The following GDPD4 variants were observed in gnomAD, a reference collection of about 807,000 sequenced individuals.
GDPD4 encodes the protein glycerophosphodiester phosphodiesterase 6.
GDPD4 carries 60 observed loss-of-function variants against 67.8 expected under a neutral mutation model. That is an observed-to-expected ratio of 0.88 (90% CI 0.72 to 1.10). GDPD4 has a LOEUF of 1.10. Ranked by LOEUF, GDPD4 falls within the 50% of genes least tolerant of loss-of-function variation. The probability of loss-of-function intolerance (pLI) is 0.00; values close to 1 mark genes in which losing one functional copy is unlikely to be tolerated. For missense variants in GDPD4, 623 were observed against 613.9 expected, an observed-to-expected ratio of 1.01 and a Z score of -0.16; for synonymous variants, 212 against 210.9, an observed-to-expected ratio of 1.00 and a Z score of -0.04.
rs145373581 is a variant in GDPD4, at chr11:77,256,487, T to A, written c.864+1899A>T. On this transcript the variant is annotated intron_variant, in intron 11 of 16. Transcript: ENST00000315938. Reference sequence around the variant, plus strand: ...CAGTAATAACAAATCCACTTTCAGCTATTTCTTATATCAATACTAATTAAT... The same window carrying A: ...CAGTAATAACAAATCCACTTTCAGCAATTTCTTATATCAATACTAATTAAT... Among the ~76,000 whole-genome samples, 689 of 152,340 alleles carry A rather than the reference T, an allele frequency of 4.5e-3. 8 individuals are homozygous for A. Among genetic ancestry groups the A allele is most frequent in the African/African-American group, 0.015 (644 of 41,574 alleles).
rs114056612 is a variant in GDPD4 at position 77,265,456 on chromosome 11, C to T, written c.707+3001G>A. On this transcript the variant is annotated intron_variant, in intron 10 of 16. Coordinates refer to ENST00000315938, the MANE Select transcript of GDPD4 (RefSeq NM_182833.3). ...CTATATCTTTTCTTAAGAAAGCTAA[C>T]GCAATTCTTTTCTTTAAATTCTATT... Among the ~76,000 whole-genome samples the T allele has an allele frequency of 5.8e-3, 886 of 152,210 alleles. 6 individuals are homozygous for T. The highest frequency in any genetic ancestry group is 0.021 in the South Asian group (99 of 4,820).
chr11:77,292,233 A>T lies in GDPD4; in HGVS notation c.-253-4813T>A, dbSNP rs1937803125. Among the ~76,000 whole-genome samples, 5 of 152,162 alleles carry T rather than the reference A, an allele frequency of 3.3e-5. No individual in the cohort carries two copies. In the South Asian group the frequency reaches 1.0e-3, roughly 31 times the overall value. On this transcript the variant is annotated intron_variant, in intron 1 of 16. Transcript: ENST00000315938. ...CAATACCCCTTTCTCAATAACAGTAAGCAGGATAGAGTAGACTTAAAAAAC... is the reference window on the plus strand; with the variant it reads ...CAATACCCCTTTCTCAATAACAGTATGCAGGATAGAGTAGACTTAAAAAAC...
intron 4 of GDPD4, among the ~76,000 whole-genome samples, chr11:77,277,447 C>T (rs1959531778): frequency 8.4e-6 from 1 of 118,904 alleles, no homozygotes; most frequent in African/African-American, 3.2e-5. Flanking sequence ...GTCGTCCAGG[C>T]TGGAGTGCAG....
intron 10 of GDPD4, among the ~76,000 whole-genome samples, chr11:77,261,565 A>ACTGC (rs1329283840): frequency 6.6e-6 from 1 of 152,154 alleles, no homozygotes; most frequent in Non-Finnish European, 1.5e-5. Flanking sequence ...ACCTCAACTG[A>ACTGC]CTGCCCTCCA....
intron 2 of GDPD4, among the ~76,000 whole-genome samples, chr11:77,286,291 G>A (rs953054912): frequency 2.0e-5 from 3 of 152,094 alleles, no homozygotes; most frequent in Non-Finnish European, 4.4e-5. Flanking sequence ...GTGTACATGC[G>A]CATACAGTTA....
At chr11:77,297,247 T>G (rs1938003424) in intron 1 of GDPD4, among the ~76,000 whole-genome samples, 1 of 150,966 alleles carries the variant, frequency 6.6e-6, no homozygotes, top group Admixed American at 6.6e-5. Flanking sequence ...GTTCATAATT[T>G]AAAAAGTAGA....
chr11:77,261,363 G>A (rs1165129341), intron 10 of GDPD4, among the ~76,000 whole-genome samples: 6 of 151,802 alleles, frequency 4.0e-5, no homozygotes, highest in East Asian at 1.9e-4. Flanking sequence ...TCAGCCTCCC[G>A]AGTAGCTGGG....
chr11:77,291,731 T>C (rs952427660), intron 1 of GDPD4, among the ~76,000 whole-genome samples: 1 of 152,180 alleles, frequency 6.6e-6, no homozygotes, highest in African/African-American at 2.4e-5. Flanking sequence ...TGAGAGTTAA[T>C]ATATAATTAT....
At chr11:77,264,758 T>G (rs1959170665) in intron 10 of GDPD4, among the ~76,000 whole-genome samples, 2 of 152,046 alleles carry the variant, frequency 1.3e-5, no homozygotes, top group Non-Finnish European at 2.9e-5. Context: ...AAAGGCAATG[T>G]TGGAGTTCAA....
intron 13 of GDPD4, among the ~76,000 whole-genome samples, chr11:77,243,424 A>T (rs17135428): frequency 6.6e-6 from 1 of 150,656 alleles, no homozygotes; most frequent in Non-Finnish European, 1.5e-5. Context: ...CATACAAAAA[A>T]GTGTACTGAA....
At chr11:77,244,774 A>G (rs1020996673) in intron 12 of GDPD4, among the ~76,000 whole-genome samples, 2 of 152,216 alleles carry the variant, frequency 1.3e-5, no homozygotes, top group African/African-American at 4.8e-5. Flanking sequence ...AAAAAGACTT[A>G]TAATTGTTTC....
chr11:77,271,953 C>G (rs1280676957), intron 5 of GDPD4, among the ~76,000 whole-genome samples: 1 of 152,110 alleles, frequency 6.6e-6, no homozygotes, highest in African/African-American at 2.4e-5. Context: ...ATGAAAAAAC[C>G]TGCCTGCCAG....
chr11:77,241,938 A>AT (rs1443809748), intron 13 of GDPD4, among the ~76,000 whole-genome samples: 18 of 152,112 alleles, frequency 1.2e-4, no homozygotes, highest in African/African-American at 4.1e-4. Flanking sequence ...TCTCAAAAAA[A>AT]AAATAAATAA....
At chr11:77,230,991 C>T (rs992969110) in intron 14 of GDPD4, among the ~76,000 whole-genome samples, 9 of 152,104 alleles carry the variant, frequency 5.9e-5, no homozygotes, top group East Asian at 5.8e-4. Flanking sequence ...TGAGGATGAG[C>T]GACGACACGA....
intron 13 of GDPD4, among the ~76,000 whole-genome samples, chr11:77,234,765 G>C (rs1958518984): frequency 6.6e-6 from 1 of 152,190 alleles, no homozygotes; most frequent in African/African-American, 2.4e-5. Context: ...CAGTTAGGTT[G>C]ATTCCATGTC....
chr11:77,269,497 T>C (rs142249337), intron 8 of GDPD4, among the ~76,000 whole-genome samples: 9 of 152,266 alleles, frequency 5.9e-5, no homozygotes, highest in Non-Finnish European at 1.3e-4. Flanking sequence ...AGGGCACTAA[T>C]TGGCAGAAAT....
intron 13 of GDPD4, among the ~76,000 whole-genome samples, chr11:77,242,695 A>G (rs1000355529): frequency 7.9e-5 from 12 of 152,202 alleles, no homozygotes; most frequent in Non-Finnish European, 1.6e-4. Flanking sequence ...TATTTGAAAA[A>G]AAAAGTAGAA....
chr11:77,236,403 A>T (rs1331019315), intron 13 of GDPD4, among the ~76,000 whole-genome samples: 1 of 152,114 alleles, frequency 6.6e-6, no homozygotes, highest in Non-Finnish European at 1.5e-5. Flanking sequence ...CTCATTGGTG[A>T]ACTAAATATT....
At chr11:77,268,773 C>CAAG in intron 9 of GDPD4, 151 bp downstream of exon 9, 1 of 866,674 alleles carries the variant, frequency 1.2e-6, no homozygotes, top group Non-Finnish European at 1.8e-6. Context: ...GGCCTGGATT[C>CAAG]AAGTCCAGCC....
Sources: gnomAD v4.1 joint callset for allele counts (sites outside exome capture counted in the v4.1 genomes callset) on GRCh38, gnomAD v4.1.1 for gene constraint, MANE v1.5 for transcripts, NCBI Gene and HGNC (gene_info 2026-07-23, HGNC 2026-07-21) for gene names.